Variants in CNOT6L observed in about 807,000 individuals in gnomAD.
CNOT6L encodes CCR4-NOT transcription complex subunit 6 like.
A neutral mutation model predicts 64.0 loss-of-function variants in CNOT6L; 7 were observed. The observed-to-expected ratio is 0.11, with a 90% CI of 0.06 to 0.21. The LOEUF is 0.21. Ranked by LOEUF, CNOT6L falls within the 10% of genes least tolerant of loss-of-function variation. CNOT6L has a pLI of 1.00. For missense variants in CNOT6L, 245 were observed against 669.0 expected (o/e 0.37, Z 6.99); for synonymous variants, 193 against 243.4 (o/e 0.79, Z 1.93).
intron 1 of CNOT6L, among the ~76,000 whole-genome samples, chr4:77,780,751 G>A (rs1367528917): frequency 6.6e-6 from 1 of 152,154 alleles, no homozygotes. Flanking sequence ...TTTGTCTTTG[G>A]TTCTATTAAA....
At chr4:77,814,395 CA>C (rs573346119) in intron 1 of CNOT6L, among the ~76,000 whole-genome samples, 16 of 151,470 alleles carry the variant, frequency 1.1e-4, no homozygotes, top group Non-Finnish European at 1.5e-4. Flanking sequence ...AAAAGTTGTC[CA>C]AAAAAAAGCA....
intron 1 of CNOT6L, among the ~76,000 whole-genome samples, chr4:77,778,553 G>C (rs553526698): frequency 6.6e-6 from 1 of 151,946 alleles, no homozygotes; most frequent in African/African-American, 2.4e-5. Context: ...TTACGGGCGC[G>C]TGTCACCACG....
At chr4:77,760,359 A>G (rs547580182) in intron 4 of CNOT6L, among the ~76,000 whole-genome samples, 10 of 152,230 alleles carry the variant, frequency 6.6e-5, no homozygotes, top group African/African-American at 2.4e-4. Context: ...TGGGTGACAG[A>G]CTGAGACCCT....
At chr4:77,788,299 G>A (rs1189677287) in intron 1 of CNOT6L, among the ~76,000 whole-genome samples, 1 of 152,194 alleles carries the variant, frequency 6.6e-6, no homozygotes, top group East Asian at 1.9e-4. Flanking sequence ...CAAACCTCCT[G>A]TACATTATAC....
intron 1 of CNOT6L, among the ~76,000 whole-genome samples, chr4:77,817,678 T>C (rs556485435): frequency 1.1e-4 from 17 of 152,330 alleles, no homozygotes; most frequent in Admixed American, 9.2e-4. Context: ...ACTAACTACG[T>C]ATGTTAAATT....
intron 1 of CNOT6L, among the ~76,000 whole-genome samples, chr4:77,803,612 G>T (rs1731860233): frequency 6.6e-6 from 1 of 152,104 alleles, no homozygotes; most frequent in African/African-American, 2.4e-5. Flanking sequence ...CCATTAAAAA[G>T]CAGGAGGTAG....
chr4:77,748,730 C>T (rs939191408), intron 5 of CNOT6L, among the ~76,000 whole-genome samples: 2 of 152,080 alleles, frequency 1.3e-5, no homozygotes, highest in Non-Finnish European at 2.9e-5. Flanking sequence ...AAATCAAAGC[C>T]ATCTGAAATT....
intron 11 of CNOT6L, among the ~76,000 whole-genome samples, chr4:77,721,973 A>G (rs964455354): frequency 3.3e-5 from 5 of 151,730 alleles, no homozygotes; most frequent in Non-Finnish European, 5.9e-5. Context: ...CTTAAAAAAT[A>G]ATAATAAAAG....
rs373910019 is a variant in CNOT6L at position 77,759,640 on chromosome 4, A to G, written c.401-2689T>C. Among the ~76,000 whole-genome samples the G allele has an allele frequency of 2.8e-3, 432 of 152,288 alleles. 1 individual carries two copies. The highest frequency in any genetic ancestry group is 9.0e-3 in the African/African-American group (376 of 41,578). ...TATCAAAAGAATAAACAGGAGAATG[A>G]CAAGTGTCAGCAGCGACAACAGGAG... On this transcript the variant is annotated intron_variant, in intron 4 of 11. Coordinates refer to ENST00000504123, the MANE Select transcript of CNOT6L (RefSeq NM_144571.3).
At chr4:77,764,377 A>T (rs1726573151) in intron 4 of CNOT6L, among the ~76,000 whole-genome samples, 2 of 152,318 alleles carry the variant, frequency 1.3e-5, no homozygotes, top group South Asian at 4.1e-4. Context: ...ATATGAATAA[A>T]TCGTATGTCC....
rs1006066863 is a variant in CNOT6L at position 77,719,051 on chromosome 4, G to A, written c.*1380C>T. The A allele has an allele frequency of 1.3e-5, 2 of 152,510 alleles. No individual in the cohort carries two copies. Among genetic ancestry groups the A allele is most frequent in the African/African-American group, 4.8e-5 (2 of 41,428 alleles). The allele number at this position is 152,510 out of a possible 1,614,324, so 9.4% of individuals were successfully genotyped here. A position where few individuals can be genotyped will look rare whatever the true frequency, so the allele number is the denominator to read the frequency against. On this transcript the variant is annotated 3_prime_UTR_variant, in exon 12 of 12. Transcript: ENST00000504123. ...AAACTCTTATAGCAGCAAAAAAGCA[G>A]AATAAAGAAAAACTTAAAAACACAG...
intron 1 of CNOT6L, among the ~76,000 whole-genome samples, chr4:77,810,027 T>C (rs1045947574): frequency 2.0e-5 from 3 of 151,776 alleles, no homozygotes; most frequent in Non-Finnish European, 4.4e-5. Flanking sequence ...TAATAATAAA[T>C]TGTATCTGTA....
In CNOT6L at chr4:77,819,049, GACACACAC is replaced by G. The variant is rs371841161; in HGVS notation, c.5+247_5+254del. Reference sequence around the variant, plus strand: ...GGGGTCCCGGCCCCGGGCCACCCCCGACACACACACACACACACACACACACCCCGGAA... The same window carrying G: ...GGGGTCCCGGCCCCGGGCCACCCCCGACACACACACACACACACCCCGGAA... On this transcript the variant is annotated intron_variant, in intron 1 of 11. Transcript: ENST00000504123. The G allele has an allele frequency of 4.4e-5, 23 of 525,286 alleles. 1 individual carries two copies. The highest frequency in any genetic ancestry group is 5.0e-4 in the Middle Eastern group (1 of 1,994). The allele number at this position is 525,286 out of a possible 1,614,324, so 32.5% of individuals were successfully genotyped here.
chr4:77,809,413 C>T (rs1042409301), intron 1 of CNOT6L, among the ~76,000 whole-genome samples: 8 of 152,062 alleles, frequency 5.3e-5, no homozygotes, highest in Non-Finnish European at 1.0e-4. Context: ...CAAATAGAAG[C>T]TTAATAAATA....
chr4:77,716,992 A>G lies in CNOT6L; in HGVS notation c.*3439T>C, dbSNP rs945828990. The G allele has an allele frequency of 6.6e-5, 10 of 152,584 alleles. No individual in the cohort carries two copies. Among genetic ancestry groups the G allele is most frequent in the Admixed American group, 3.9e-4 (6 of 15,246 alleles). The allele number at this position is 152,584 out of a possible 1,614,324, so 9.5% of individuals were successfully genotyped here. A position where few individuals can be genotyped will look rare whatever the true frequency, so the allele number is the denominator to read the frequency against. ...AACGAATGTTCACACGCCTTACATC[A>G]AAGAAATGAAACAAAAATATTCAGC... On this transcript the variant is annotated 3_prime_UTR_variant, in exon 12 of 12. Transcript: ENST00000504123.
intron 1 of CNOT6L, among the ~76,000 whole-genome samples, chr4:77,790,802 C>T (rs1730044993): frequency 6.7e-6 from 1 of 148,638 alleles, no homozygotes; most frequent in African/African-American, 2.5e-5. Flanking sequence ...GTGCCCACCA[C>T]TGCGCCTGGC....
intron 7 of CNOT6L, 33 bp from the exon 8 acceptor site, chr4:77,742,328 C>G (rs1723685850): frequency 1.3e-6 from 2 of 1,576,782 alleles, no homozygotes; most frequent in Non-Finnish European, 1.7e-6. Context: ...ATCTATATGA[C>G]AGAGGGAAAA....
chr4:77,740,600 G>C (rs577558002), intron 8 of CNOT6L, among the ~76,000 whole-genome samples: 84 of 152,254 alleles, frequency 5.5e-4, no homozygotes, highest in Middle Eastern at 3.4e-3. Flanking sequence ...TAGCTGTATA[G>C]CTGCCTGTAA....
intron 4 of CNOT6L, among the ~76,000 whole-genome samples, chr4:77,772,116 A>G (rs889532421): frequency 2.6e-5 from 4 of 152,198 alleles, no homozygotes; most frequent in African/African-American, 4.8e-5. Context: ...AGGTACAGCT[A>G]ATTTTACTAT....
Sources: allele counts gnomAD v4.1 joint callset (sites outside exome capture counted in the v4.1 genomes callset), GRCh38; gene constraint gnomAD v4.1.1; transcripts MANE v1.5; gene names NCBI Gene and HGNC (gene_info 2026-07-23, HGNC 2026-07-21).